WRN: variants seen among roughly 807,000 people sequenced by gnomAD.
WRN encodes WRN RecQ like helicase.
WRN carries 149 observed loss-of-function variants against 180.7 expected under a neutral mutation model. The ratio of observed to expected loss-of-function variants is 0.82; its 90% CI spans 0.72 to 0.94. WRN has a LOEUF of 0.94. WRN is among the 40% of genes least tolerant of loss of function. The pLI is 0.00. For synonymous variants in WRN, 548 were observed against 568.9 expected, an observed-to-expected ratio of 0.96 and a Z score of 0.52; for missense variants, 1,661 against 1,700.1, an observed-to-expected ratio of 0.98 and a Z score of 0.40.
chr8:31,088,976 T>A lies in WRN; in HGVS notation c.1652+11T>A. On this transcript the variant is annotated intron_variant, in intron 13 of 34. Coordinates refer to ENST00000298139, the MANE Select transcript of WRN (RefSeq NM_000553.6). The stretch of plus-strand genomic sequence containing the variant: ...TTCCAGTTTTAAACCGTGAGTATAA[T>A]CTCATTTAATCAAATCACATATTTA... The A allele has an allele frequency of 6.2e-7, 1 of 1,603,566 alleles. No homozygotes were observed. The highest frequency in any genetic ancestry group is 8.5e-7 in the Non-Finnish European group (1 of 1,173,398).
intron 16 of WRN, 106 bp downstream of exon 16, chr8:31,092,004 T>G: frequency 9.6e-7 from 1 of 1,045,080 alleles, no homozygotes; most frequent in Non-Finnish European, 1.5e-6. Flanking sequence ...GTGAGTAATT[T>G]ATGTCATTTC....
At chr8:31,075,556 C>CA (rs538312568) in intron 7 of WRN, among the ~76,000 whole-genome samples, 7,520 of 137,260 alleles carry the variant, frequency 0.055, 431 homozygotes, top group African/African-American at 0.16. Flanking sequence ...ACTAGAAATA[C>CA]AAAAAAAAAA....
chr8:31,142,665 T>C lies in WRN; in HGVS notation c.3273T>C (p.Tyr1091=), dbSNP rs1183053070. The C allele has an allele frequency of 3.7e-6, 6 of 1,605,722 alleles. No homozygotes were observed. The highest frequency in any genetic ancestry group is 4.3e-6 in the Non-Finnish European group (5 of 1,176,258). The change falls in exon 27 of 35, where the codon TAT becomes TAC. Residue 1091 remains tyrosine (Y), a synonymous_variant. Coordinates refer to ENST00000298139, the MANE Select transcript of WRN (RefSeq NM_000553.6). ...TVSSGTKEHC[Y]NQVPVELSTE... ...CTTCGGGCACCAAAGAGCATTGTTA[T>C]AATCAAGTACCAGTTGAATTAAGTA...
At chr8:31,059,363 T>C in intron 3 of WRN, 98 bp downstream of exon 3, 1 of 939,206 alleles carries the variant, frequency 1.1e-6, no homozygotes, top group Admixed American at 1.8e-5. Flanking sequence ...ACAGGTGAGG[T>C]GTGTTCAATA....
At chr8:31,069,110 A>T (rs1812815852) in intron 7 of WRN, among the ~76,000 whole-genome samples, 1 of 152,238 alleles carries the variant, frequency 6.6e-6, no homozygotes, top group African/African-American at 2.4e-5. Flanking sequence ...ATATAAAGTT[A>T]TCACTATTCT....
At chr8:31,157,971 G>A (rs925564134) in intron 33 of WRN, among the ~76,000 whole-genome samples, 1 of 151,952 alleles carries the variant, frequency 6.6e-6, no homozygotes, top group Non-Finnish European at 1.5e-5. Context: ...CTGATGATCC[G>A]CCCACCTCAG....
intron 31 of WRN, among the ~76,000 whole-genome samples, chr8:31,151,910 T>G (rs1397574958): frequency 6.6e-6 from 1 of 152,158 alleles, no homozygotes; most frequent in African/African-American, 2.4e-5. Flanking sequence ...TATTTTTTTT[T>G]TAAATTTTGA....
chr8:31,044,988 C>T (rs1369830108), intron 1 of WRN, among the ~76,000 whole-genome samples: 1 of 152,196 alleles, frequency 6.6e-6, no homozygotes, highest in Non-Finnish European at 1.5e-5. Context: ...TTCTATGAAA[C>T]ATCTTTCAAA....
rs527679123 is a variant in WRN at position 31,125,078 on chromosome 8, T to G, written c.2825+78T>G. 3.7e-6 allele frequency: 5 copies of G among 1,369,446 alleles called. No individual in the cohort carries two copies. In the South Asian group the frequency reaches 6.1e-5, roughly 17 times the overall value. 84.8% of individuals were successfully genotyped at this position (1,369,446 alleles called of 1,614,324 possible). On this transcript the variant is annotated intron_variant, in intron 23 of 34. Transcript: ENST00000298139. ...TTTTCATGTTTAACTGAATTTTTGT[T>G]GAATGATAAGTATTTCAGTTTTTTA...
chr8:31,085,377 C>T (rs1407653470), intron 11 of WRN, 131 bp downstream of exon 11: 1 of 981,594 alleles, frequency 1.0e-6, no homozygotes, highest in Non-Finnish European at 1.5e-6. Flanking sequence ...CATTAGATTT[C>T]ACATTTTCCA....
chr8:31,108,012 A>T, intron 18 of WRN, among the ~76,000 whole-genome samples: 1 of 152,248 alleles, frequency 6.6e-6, no homozygotes, highest in East Asian at 1.9e-4. Flanking sequence ...AGTTAGAATT[A>T]GCAACATGAC....
intron 24 of WRN, among the ~76,000 whole-genome samples, chr8:31,140,724 A>G (rs1802587247): frequency 6.6e-6 from 1 of 152,158 alleles, no homozygotes; most frequent in Non-Finnish European, 1.5e-5. Context: ...ATGGATGAAT[A>G]GCTGTTGGTT....
chr8:31,088,064 T>C, intron 12 of WRN, 144 bp downstream of exon 12: 3 of 1,433,422 alleles, frequency 2.1e-6, no homozygotes, highest in Non-Finnish European at 2.8e-6. Flanking sequence ...TTTGTCTCCT[T>C]AGTGCTTTTG....
intron 21 of WRN, 85 bp downstream of exon 21, chr8:31,120,509 G>T: frequency 3.2e-6 from 4 of 1,252,982 alleles, no homozygotes; most frequent in Non-Finnish European, 3.3e-6. Context: ...GCTATTTCCA[G>T]TATCCCAAGT....
chr8:31,041,979 G>A (rs1811678212), intron 1 of WRN, among the ~76,000 whole-genome samples: 2 of 152,194 alleles, frequency 1.3e-5, no homozygotes, highest in South Asian at 4.1e-4. Context: ...GGAAGTGGCT[G>A]TTAACTTGGA....
In WRN at chr8:31,094,352, T is replaced by C. The variant is rs1027613012; in HGVS notation, c.1899-2416T>C. On this transcript the variant is annotated intron_variant, in intron 16 of 34. Coordinates refer to ENST00000298139, the MANE Select transcript of WRN (RefSeq NM_000553.6). ...ATTTTCCCTTTTCTTTTCTTTCTTT[T>C]TTTTTTTTTTTGAGTCAGGGTCTCC... Among the ~76,000 whole-genome samples, 5 of 150,758 alleles carry C rather than the reference T, an allele frequency of 3.3e-5. No homozygotes were observed. In the East Asian group the frequency reaches 5.8e-4, roughly 17 times the overall value.
chr8:31,084,995 T>G (rs935928689), intron 10 of WRN, among the ~76,000 whole-genome samples, 171 bp from the exon 11 acceptor site: 2 of 151,988 alleles, frequency 1.3e-5, no homozygotes, highest in African/African-American at 4.8e-5. Context: ...TGTTCATTCT[T>G]CTCTCTCTCC....
At chr8:31,149,140 TA>T (rs1802988515) in intron 30 of WRN, among the ~76,000 whole-genome samples, 1 of 152,092 alleles carries the variant, frequency 6.6e-6, no homozygotes, top group Non-Finnish European at 1.5e-5. Flanking sequence ...CTCACGCTTG[TA>T]AATCCCAGGA....
chr8:31,039,821 C>T (rs1017737265), intron 1 of WRN, among the ~76,000 whole-genome samples: 3 of 152,036 alleles, frequency 2.0e-5, no homozygotes, highest in African/African-American at 7.2e-5. Flanking sequence ...ATTTTTCCTC[C>T]CTTATCTTAA....
Sources: gnomAD v4.1 joint callset for allele counts (sites outside exome capture counted in the v4.1 genomes callset) on GRCh38, gnomAD v4.1.1 for gene constraint, MANE v1.5 for transcripts, NCBI Gene and HGNC (gene_info 2026-07-23, HGNC 2026-07-21) for gene names.